FAM81B: variants seen among roughly 807,000 people sequenced by gnomAD.
The protein encoded by FAM81B is family with sequence similarity 81 member B.
FAM81B carries 60 observed loss-of-function variants against 58.7 expected under a neutral mutation model. That is an observed-to-expected ratio of 1.02 (90% confidence interval 0.83 to 1.27). The LOEUF (loss-of-function observed/expected upper bound fraction) is 1.27, where lower values mean the gene tolerates loss of function less well. Ranked by LOEUF, FAM81B falls within the 50% of genes most tolerant of loss-of-function variation. The pLI is 0.00. For missense variants in FAM81B, 491 were observed against 522.0 expected (o/e 0.94, Z 0.58); for synonymous variants, 189 against 179.6 (o/e 1.05, Z -0.42).
intron 6 of FAM81B, among the ~76,000 whole-genome samples, chr5:95,429,934 A>G (rs558569054): frequency 6.6e-6 from 1 of 152,312 alleles, no homozygotes; most frequent in East Asian, 1.9e-4. Flanking sequence ...TTAGATATCA[A>G]CAAATATCTA....
chr5:95,429,120 A>G (rs1260053706), intron 6 of FAM81B, among the ~76,000 whole-genome samples: 1 of 152,202 alleles, frequency 6.6e-6, no homozygotes, highest in Non-Finnish European at 1.5e-5. Context: ...TTCATGTTAC[A>G]TCCCACTTAA....
chr5:95,446,644 A>G lies in FAM81B; in HGVS notation c.976A>G (p.Lys326Glu). Residue 326 changes from lysine to glutamate, a missense_variant, in exon 8 of 10, where the codon AAA (lysine) becomes GAA (glutamate). By Grantham distance (56) the Lys-to-Glu change is moderately conservative. Coordinates refer to ENST00000283357, the MANE Select transcript of FAM81B (RefSeq NM_152548.3). ...WTENQFLKYR[K>E]DHLGHINECL... ...AGAAAACCAATTTCTCAAATATAGA[A>G]AAGACCACCTGGGCCATATAAATGA... The G allele has an allele frequency of 3.1e-6, 5 of 1,613,556 alleles. No homozygotes were observed. Among genetic ancestry groups the G allele is most frequent in the Non-Finnish European group, 3.4e-6 (4 of 1,179,852 alleles).
chr5:95,396,198 G>A (rs769419589), intron 3 of FAM81B, 23 bp downstream of exon 3: 1 of 1,541,084 alleles, frequency 6.5e-7, no homozygotes, highest in South Asian at 1.2e-5. Context: ...ATTACAACTA[G>A]TTTTAACTAT....
intron 2 of FAM81B, among the ~76,000 whole-genome samples, chr5:95,395,062 C>T (rs1410375825): frequency 6.6e-6 from 1 of 152,056 alleles, no homozygotes; most frequent in Non-Finnish European, 1.5e-5. Context: ...TCATATTCTC[C>T]ATATTGAATC....
rs747644599 is a variant in FAM81B at position 95,446,642 on chromosome 5, GAA to G, written c.977_978del (p.Lys326ArgfsTer8). 2.5e-6 allele frequency: 4 copies of G among 1,613,298 alleles called. No homozygotes were observed. In the South Asian group the frequency reaches 4.4e-5, roughly 18 times the overall value. ...ACAGAAAACCAATTTCTCAAATATAGAAAAGACCACCTGGGCCATATAAATGA... is the reference window on the plus strand; with the variant it reads ...ACAGAAAACCAATTTCTCAAATATAGAAGACCACCTGGGCCATATAAATGA... On this transcript the variant is annotated frameshift_variant, in exon 8 of 10. Transcript: ENST00000283357. LOFTEE classifies it high-confidence loss of function.
chr5:95,420,730 G>T (rs1018229732), intron 5 of FAM81B, among the ~76,000 whole-genome samples: 8 of 152,116 alleles, frequency 5.3e-5, no homozygotes, highest in Admixed American at 3.3e-4. Flanking sequence ...TGTGTCAAAT[G>T]CGAATGAGTA....
At chr5:95,428,526 G>C in intron 5 of FAM81B, 77 bp from the exon 6 acceptor site, 18 of 1,539,372 alleles carry the variant, frequency 1.2e-5, no homozygotes, top group Non-Finnish European at 1.6e-5. Context: ...GCCATCAAAT[G>C]AATGTGCAGG....
At chr5:95,424,068 C>T (rs1261819887) in intron 5 of FAM81B, 1 of 1,289,712 alleles carries the variant, frequency 7.8e-7, no homozygotes, top group South Asian at 1.2e-5. Context: ...TCCTTGCCCG[C>T]TTATACCTGA....
At chr5:95,403,434 T>C (rs951244716) in intron 3 of FAM81B, among the ~76,000 whole-genome samples, 1 of 152,258 alleles carries the variant, frequency 6.6e-6, no homozygotes, top group African/African-American at 2.4e-5. Context: ...AAGTACTTAA[T>C]GTATCTTTAT....
intron 6 of FAM81B, among the ~76,000 whole-genome samples, chr5:95,429,898 G>T (rs4543293): frequency 6.6e-6 from 1 of 152,042 alleles, no homozygotes; most frequent in Non-Finnish European, 1.5e-5. Flanking sequence ...TATCAGGATG[G>T]AATATCTACT....
At chr5:95,419,377 C>T (rs1762618959) in intron 4 of FAM81B, among the ~76,000 whole-genome samples, 1 of 152,116 alleles carries the variant, frequency 6.6e-6, no homozygotes, top group Non-Finnish European at 1.5e-5. Context: ...CCCCAAGTAA[C>T]AGATTTGTGT....
intron 6 of FAM81B, among the ~76,000 whole-genome samples, chr5:95,435,323 A>C (rs1053144268): frequency 6.6e-6 from 1 of 151,366 alleles, no homozygotes; most frequent in Non-Finnish European, 1.5e-5. Flanking sequence ...TTATTCCTTT[A>C]TGCTTCCTTA....
Position 95,402,055 on chromosome 5 carries a change from T to C in FAM81B, c.293+5880T>C, listed in dbSNP as rs373388021. Among the ~76,000 whole-genome samples, 5 of 152,238 alleles carry C rather than the reference T, an allele frequency of 3.3e-5. No individual in the cohort carries two copies. In the East Asian group the frequency reaches 9.6e-4, roughly 29 times the overall value. On this transcript the variant is annotated intron_variant, in intron 3 of 9. Coordinates refer to ENST00000283357, the MANE Select transcript of FAM81B (RefSeq NM_152548.3). The stretch of plus-strand genomic sequence containing the variant: ...ATATCCAGTTATTTCTTTCCTTTCA[T>C]AGTTAAATTTAGATCTAGGTCCCAC...
chr5:95,414,757 T>G (rs752979558), intron 4 of FAM81B, among the ~76,000 whole-genome samples: 5 of 152,170 alleles, frequency 3.3e-5, no homozygotes, highest in Non-Finnish European at 7.4e-5. Context: ...TTCCTCCAGG[T>G]TTCTGTTCAA....
chr5:95,398,414 A>G (rs1413956442), intron 3 of FAM81B, among the ~76,000 whole-genome samples: 1 of 129,474 alleles, frequency 7.7e-6, no homozygotes, highest in Non-Finnish European at 1.6e-5. Context: ...GTGAAACTCA[A>G]TCTCTAAATA....
chr5:95,446,756 T>C (rs1038504895), intron 8 of FAM81B, 59 bp downstream of exon 8: 49 of 1,575,646 alleles, frequency 3.1e-5, no homozygotes, highest in African/African-American at 8.3e-5. Context: ...TAGCAGTGAG[T>C]AAAGGTCTGG....
chr5:95,433,477 G>T (rs1744988948), intron 6 of FAM81B, among the ~76,000 whole-genome samples: 1 of 152,110 alleles, frequency 6.6e-6, no homozygotes, highest in Non-Finnish European at 1.5e-5. Context: ...ATGAGATTTG[G>T]ATGGGGACAC....
chr5:95,412,935 ATCT>A (rs941546589), intron 3 of FAM81B, among the ~76,000 whole-genome samples: 1 of 152,188 alleles, frequency 6.6e-6, no homozygotes, highest in Non-Finnish European at 1.5e-5. Context: ...TAGGAAGTCT[ATCT>A]TCTTTGACAG....
chr5:95,418,245 G>C (rs780597411), intron 4 of FAM81B, among the ~76,000 whole-genome samples: 9 of 152,062 alleles, frequency 5.9e-5, no homozygotes, highest in Admixed American at 1.3e-4. Context: ...GTTCAGATGA[G>C]GTATCACAGT....
Sources: allele counts gnomAD v4.1 joint callset (sites outside exome capture counted in the v4.1 genomes callset), GRCh38; gene constraint gnomAD v4.1.1; transcripts MANE v1.5; gene names NCBI Gene and HGNC (gene_info 2026-07-23, HGNC 2026-07-21).